UBA2: variants seen among roughly 807,000 people sequenced by gnomAD.
The protein encoded by UBA2 is SUMO-activating enzyme subunit 2.
A neutral mutation model predicts 77.2 loss-of-function variants in UBA2; 11 were observed. The ratio of observed to expected loss-of-function variants is 0.14; its 90% CI spans 0.09 to 0.24. UBA2 has a LOEUF of 0.24. UBA2 is among the 10% of genes least tolerant of loss of function. The pLI is 1.00. For missense variants in UBA2, 487 were observed against 781.7 expected, an observed-to-expected ratio of 0.62 and a Z score of 4.50; for synonymous variants, 278 against 276.7, an observed-to-expected ratio of 1.00 and a Z score of -0.05.
At chr19:34,457,178 AAATATATATAT>A (rs1307805634) in intron 12 of UBA2, among the ~76,000 whole-genome samples, 22 of 89,766 alleles carry the variant, frequency 2.5e-4, no homozygotes, top group Admixed American at 5.6e-4. Context: ...AAAAAAAAAA[AAATATATATAT>A]ATATATATAT....
intron 6 of UBA2, among the ~76,000 whole-genome samples, chr19:34,442,111 T>A (rs2075376800): frequency 6.6e-6 from 1 of 151,826 alleles, no homozygotes; most frequent in African/African-American, 2.4e-5. Flanking sequence ...GGCACATGCC[T>A]GTGGTCCCAG....
At chr19:34,441,935 A>AG (rs2075374582) in intron 6 of UBA2, among the ~76,000 whole-genome samples, 1 of 151,478 alleles carries the variant, frequency 6.6e-6, no homozygotes, top group East Asian at 1.9e-4. Flanking sequence ...AAAGACAAAA[A>AG]AAAAAAAAAG....
At chr19:34,452,293 T>A in intron 10 of UBA2, 146 bp downstream of exon 10, 2 of 700,950 alleles carry the variant, frequency 2.9e-6, no homozygotes, top group South Asian at 2.6e-5. Context: ...CAGCTCTAAT[T>A]GCTGTATGGA....
At chr19:34,437,670 C>G (rs2075324353) in intron 5 of UBA2, among the ~76,000 whole-genome samples, 2 of 152,130 alleles carry the variant, frequency 1.3e-5, no homozygotes, top group South Asian at 2.1e-4. Flanking sequence ...AAAGATGATT[C>G]ATTTGATAGT....
chr19:34,447,871 C>T (rs1440244543), intron 8 of UBA2, among the ~76,000 whole-genome samples: 1 of 152,104 alleles, frequency 6.6e-6, no homozygotes, highest in Non-Finnish European at 1.5e-5. Flanking sequence ...AAGCCCAAGG[C>T]TTGAAAGAAT....
intron 14 of UBA2, among the ~76,000 whole-genome samples, chr19:34,461,240 C>G (rs1487923309): frequency 6.6e-6 from 1 of 152,130 alleles, no homozygotes; most frequent in Non-Finnish European, 1.5e-5. Context: ...TTTCTAGGCC[C>G]TGTGTTTCCC....
intron 16 of UBA2, among the ~76,000 whole-genome samples, chr19:34,467,766 C>T (rs1277928131): frequency 1.3e-5 from 2 of 152,158 alleles, no homozygotes; most frequent in African/African-American, 4.8e-5. Flanking sequence ...CGGCTCCAAA[C>T]AAACAAGTCA....
chr19:34,434,837 C>A, intron 4 of UBA2, 31 bp from the exon 5 acceptor site: 1 of 1,532,008 alleles, frequency 6.5e-7, no homozygotes, highest in South Asian at 1.2e-5. Flanking sequence ...TTTTTTTTCC[C>A]AAAAACTCAT....
intron 8 of UBA2, among the ~76,000 whole-genome samples, chr19:34,447,967 C>T (rs1232125522): frequency 6.6e-6 from 1 of 152,162 alleles, no homozygotes; most frequent in Non-Finnish European, 1.5e-5. Context: ...GGAAAACTGA[C>T]ATAAATCCCA....
rs545176184 is a variant in UBA2, at chr19:34,469,107, C to T, written c.1809C>T (p.Val603=). 2 of 1,613,430 alleles carry T rather than the reference C, an allele frequency of 1.2e-6. No individual in the cohort carries two copies. Among genetic ancestry groups the T allele is most frequent in the South Asian group, 2.2e-5 (2 of 90,948 alleles). Residue 603 remains valine (V), a synonymous_variant, in exon 17 of 17, where the codon GTC becomes GTT. Transcript: ENST00000246548. ...DEEDSSNNAD[V]SEEERSRKRK... is the part of the protein sequence containing the mutation. ...AAGATTCTTCAAATAATGCCGACGT[C>T]AGTGAAGAAGAGAGAAGCCGCAAGA... is the stretch of plus-strand genomic sequence containing the variant.
At chr19:34,444,960 A>G (rs1488700160) in intron 7 of UBA2, 40 bp from the exon 8 acceptor site, 2 of 1,595,764 alleles carry the variant, frequency 1.3e-6, no homozygotes, top group African/African-American at 1.4e-5. Flanking sequence ...TCAGTTCTAC[A>G]TTTATTACGG....
At chr19:34,436,051 C>T (rs1357406104) in intron 5 of UBA2, among the ~76,000 whole-genome samples, 6 of 146,272 alleles carry the variant, frequency 4.1e-5, no homozygotes, top group Admixed American at 6.9e-5. Flanking sequence ...ACCGGGGAAG[C>T]GGAGGTTGCG....
chr19:34,433,474 T>G, intron 4 of UBA2, 62 bp downstream of exon 4: 2 of 1,138,296 alleles, frequency 1.8e-6, no homozygotes, highest in African/African-American at 1.6e-5. Context: ...CAAATTTGTT[T>G]ACAAATTTAA....
chr19:34,468,525 C>T (rs2075710123), intron 16 of UBA2, among the ~76,000 whole-genome samples: 1 of 152,138 alleles, frequency 6.6e-6, no homozygotes, highest in Non-Finnish European at 1.5e-5. Context: ...ATCAGTTCTG[C>T]ATTGGGGATG....
chr19:34,443,672 C>T (rs577126693), intron 6 of UBA2, among the ~76,000 whole-genome samples, 172 bp from the exon 7 acceptor site: 1 of 152,216 alleles, frequency 6.6e-6, no homozygotes, highest in African/African-American at 2.4e-5. Flanking sequence ...GAACTCCTGA[C>T]TTTGTGATCT....
At chr19:34,439,068 C>T (rs189870511) in intron 6 of UBA2, among the ~76,000 whole-genome samples, 52 of 152,018 alleles carry the variant, frequency 3.4e-4, no homozygotes, top group Admixed American at 3.1e-3. Flanking sequence ...ATTAGTTGGC[C>T]GTGATGGCGA....
At chr19:34,467,758 G>C (rs1248666374) in intron 16 of UBA2, among the ~76,000 whole-genome samples, 1 of 152,190 alleles carries the variant, frequency 6.6e-6, no homozygotes, top group African/African-American at 2.4e-5. Context: ...GAGGCTTCCG[G>C]CTCCAAACAA....
chr19:34,451,851 A>G, intron 9 of UBA2, 130 bp from the exon 10 acceptor site: 1 of 530,318 alleles, frequency 1.9e-6, no homozygotes. Flanking sequence ...TGGCCCCATG[A>G]TAATTATTTT....
chr19:34,459,004 C>T (rs2075602871), intron 13 of UBA2, 80 bp downstream of exon 13: 20 of 1,401,892 alleles, frequency 1.4e-5, no homozygotes, highest in Non-Finnish European at 1.9e-5. Context: ...GCTGCTGATT[C>T]TGAAAAGGTC....
Sources: allele counts gnomAD v4.1 joint callset (sites outside exome capture counted in the v4.1 genomes callset), GRCh38; gene constraint gnomAD v4.1.1; transcripts MANE v1.5; gene names NCBI Gene and HGNC (gene_info 2026-07-23, HGNC 2026-07-21).